JPT1: variants seen among roughly 807,000 people sequenced by gnomAD.
JPT1 encodes Jupiter microtubule associated homolog 1.
In JPT1, 5 loss-of-function variants were observed where a neutral mutation model predicts 17.0. The ratio of observed to expected loss-of-function variants is 0.29; its 90% CI spans 0.15 to 0.62. JPT1 has a LOEUF of 0.62. Ranked by LOEUF, JPT1 falls within the 20% of genes least tolerant of loss-of-function variation. JPT1 has a pLI of 0.85. For missense variants in JPT1, 158 were observed against 188.1 expected (o/e 0.84, Z 0.94); for synonymous variants, 71 against 73.6 (o/e 0.96, Z 0.18).
chr17:75,148,743 C>T, intron 1 of JPT1, 72 bp from the exon 2 acceptor site: 1 of 1,555,424 alleles, frequency 6.4e-7, no homozygotes, highest in Non-Finnish European at 8.8e-7. Flanking sequence ...TTTCAGACAA[C>T]TTTCATTTCA....
At chr17:75,142,692 G>A (rs1326944852) in intron 4 of JPT1, 69 of 427,166 alleles carry the variant, frequency 1.6e-4, no homozygotes, top group South Asian at 6.6e-4. Context: ...GGATGAGAAG[G>A]GAGGGGAGGG....
intron 1 of JPT1, chr17:75,149,093 G>A: frequency 4.0e-6 from 5 of 1,254,114 alleles, no homozygotes; most frequent in Non-Finnish European, 5.2e-6. Flanking sequence ...GCACACACCT[G>A]TAATCCCAGC....
intron 4 of JPT1, among the ~76,000 whole-genome samples, chr17:75,140,385 CTCTA>C (rs200075981): frequency 3.0e-4 from 46 of 152,236 alleles, no homozygotes; most frequent in African/African-American, 1.0e-3. Flanking sequence ...ACAAAGACAT[CTCTA>C]TCTGAATAGA....
At chr17:75,142,741 G>C (rs2074350401) in intron 4 of JPT1, 1 of 455,384 alleles carries the variant, frequency 2.2e-6, no homozygotes, top group African/African-American at 2.0e-5. Context: ...GCAAGAAGTG[G>C]AATCAAAAAA....
At chr17:75,142,263 G>A (rs1025142787) in intron 4 of JPT1, among the ~76,000 whole-genome samples, 1 of 151,552 alleles carries the variant, frequency 6.6e-6, no homozygotes, top group Non-Finnish European at 1.5e-5. Flanking sequence ...TCAGAATATA[G>A]AAAGCAGTAG....
intron 1 of JPT1, among the ~76,000 whole-genome samples, chr17:75,151,884 G>A (rs189589516): frequency 5.3e-5 from 8 of 151,536 alleles, no homozygotes; most frequent in Admixed American, 2.0e-4. Context: ...CAGGAGAATC[G>A]CTTGAACCTG....
At chr17:75,149,255 C>CT (rs1276616766) in intron 1 of JPT1, 3 of 343,048 alleles carry the variant, frequency 8.7e-6, no homozygotes, top group Non-Finnish European at 1.7e-5. Flanking sequence ...ACACTGGACT[C>CT]TGAGACAGAA....
chr17:75,142,613 G>T, intron 4 of JPT1: 1 of 223,582 alleles, frequency 4.5e-6, no homozygotes, highest in South Asian at 2.2e-5. Flanking sequence ...GGAAGGGGGA[G>T]AGAGGAGGGG....
intron 4 of JPT1, chr17:75,138,278 A>T (rs1760653399): frequency 6.6e-6 from 1 of 152,128 alleles, no homozygotes; most frequent in African/African-American, 2.4e-5. Context: ...TTTCTTTTTA[A>T]TAGCAAGTTT....
chr17:75,148,880 T>C (rs2074490339), intron 1 of JPT1, among the ~76,000 whole-genome samples: 1 of 152,204 alleles, frequency 6.6e-6, no homozygotes, highest in African/African-American at 2.4e-5. Flanking sequence ...TTTATAATAC[T>C]TGTAATAAGG....
At chr17:75,142,581 G>A (rs1466901199) in intron 4 of JPT1, among the ~76,000 whole-genome samples, 4 of 83,184 alleles carry the variant, frequency 4.8e-5, no homozygotes, top group Non-Finnish European at 9.6e-5. Flanking sequence ...AGGGGAGAGG[G>A]AGGGAGAGGG....
chr17:75,151,902 G>A (rs1294253085), intron 1 of JPT1, among the ~76,000 whole-genome samples: 1 of 151,624 alleles, frequency 6.6e-6, no homozygotes, highest in Non-Finnish European at 1.5e-5. Flanking sequence ...CTGGAAAGCA[G>A]AGGTTGCGGT....
At chr17:75,152,008 C>T (rs543716510) in intron 1 of JPT1, among the ~76,000 whole-genome samples, 7 of 151,950 alleles carry the variant, frequency 4.6e-5, no homozygotes, top group African/African-American at 1.7e-4. Flanking sequence ...CACTAGTACC[C>T]GAACACCAGC....
chr17:75,138,928 A>G (rs569899236), intron 4 of JPT1, among the ~76,000 whole-genome samples: 1 of 152,304 alleles, frequency 6.6e-6, no homozygotes, highest in African/African-American at 2.4e-5. Context: ...AAAATGTTCT[A>G]TACTATTTAA....
rs1002884040 is a variant in JPT1 at position 75,154,490 on chromosome 17, C to A, written c.-93G>T. 8 of 1,237,432 alleles carry A rather than the reference C, an allele frequency of 6.5e-6. No homozygotes were observed. The highest frequency in any genetic ancestry group is 1.5e-5 in the African/African-American group (1 of 65,110). The allele number at this position is 1,237,432 out of a possible 1,614,324, so 76.7% of individuals were successfully genotyped here. A position where few individuals can be genotyped will look rare whatever the true frequency, so the allele number is the denominator to read the frequency against. Reference sequence around the variant, plus strand: ...GGGAAACTCCACACCCAACAGCCGACCACCGCTGCAGGAGCCGCCGCTGCC... The same window carrying A: ...GGGAAACTCCACACCCAACAGCCGAACACCGCTGCAGGAGCCGCCGCTGCC... On this transcript the variant is annotated 5_prime_UTR_variant, in exon 1 of 5. Transcript: ENST00000409753.
chr17:75,142,687 AGAAGG>A, intron 4 of JPT1: 1 of 367,014 alleles, frequency 2.7e-6, no homozygotes, highest in South Asian at 1.7e-5. Flanking sequence ...GGAAGGGATG[AGAAGG>A]GAGGGGAGGG....
chr17:75,143,498 G>A (rs1460661143), intron 4 of JPT1, among the ~76,000 whole-genome samples: 1 of 152,128 alleles, frequency 6.6e-6, no homozygotes, highest in Non-Finnish European at 1.5e-5. Context: ...GGCAGAGGTT[G>A]CAGTGAGCCA....
chr17:75,143,021 C>T (rs1002219577), intron 4 of JPT1, among the ~76,000 whole-genome samples: 1 of 152,142 alleles, frequency 6.6e-6, no homozygotes, highest in Non-Finnish European at 1.5e-5. Flanking sequence ...TTTGTGACCT[C>T]CTGTCCTCCT....
rs1368734994 is a variant in JPT1, at chr17:75,136,084, C to T, written c.*18G>A. ...ATGGAGGAAACAGACAGAACGACAG[C>T]GTTCAGGACAGTCAGAGCTAACCCA... On this transcript the variant is annotated 3_prime_UTR_variant, in exon 5 of 5. Coordinates refer to ENST00000409753, the MANE Select transcript of JPT1 (RefSeq NM_016185.4). 21 of 1,614,072 alleles carry T rather than the reference C, an allele frequency of 1.3e-5. No homozygotes were observed. The highest frequency in any genetic ancestry group is 2.2e-5 in the East Asian group (1 of 44,902).
Sources: gnomAD v4.1 joint callset for allele counts (sites outside exome capture counted in the v4.1 genomes callset) on GRCh38, gnomAD v4.1.1 for gene constraint, MANE v1.5 for transcripts, NCBI Gene and HGNC (gene_info 2026-07-23, HGNC 2026-07-21) for gene names.